ANKAR: variants seen among roughly 807,000 people sequenced by gnomAD.
The protein encoded by ANKAR is ankyrin and armadillo repeat-containing protein.
Under a neutral mutation model 146.2 loss-of-function variants are expected in ANKAR, and 136 were observed. That is an observed-to-expected ratio of 0.93 (90% confidence interval 0.81 to 1.07). The LOEUF (loss-of-function observed/expected upper bound fraction) is 1.07, where lower values mean the gene tolerates loss of function less well. Ranked by LOEUF, ANKAR falls within the 50% of genes least tolerant of loss-of-function variation. ANKAR has a pLI of 0.00. For synonymous variants in ANKAR, 500 were observed against 575.8 expected (o/e 0.87, Z 1.88); for missense variants, 1,567 against 1,679.9 (o/e 0.93, Z 1.18).
At chr2:189,679,912 C>CT (rs368032368) in intron 2 of ANKAR, among the ~76,000 whole-genome samples, 3 of 152,152 alleles carry the variant, frequency 2.0e-5, no homozygotes, top group African/African-American at 7.2e-5. Flanking sequence ...CTGTAGTTTT[C>CT]TTTTTTTGTT....
chr2:189,746,104 A>G (rs966138346), intron 22 of ANKAR, among the ~76,000 whole-genome samples: 27 of 152,326 alleles, frequency 1.8e-4, no homozygotes, highest in African/African-American at 5.8e-4. Context: ...AATGCCTTTT[A>G]CACTTTTTTT....
chr2:189,741,310 T>C (rs755756358), intron 19 of ANKAR, 32 bp from the exon 20 acceptor site: 13 of 1,511,202 alleles, frequency 8.6e-6, no homozygotes, highest in Non-Finnish European at 1.1e-5. Context: ...ATCAATTAAA[T>C]AACACAAGCA....
rs2033240596 is a variant in ANKAR, at chr2:189,674,844, C to T, written c.-36+14C>T. The T allele has an allele frequency of 6.6e-6, 1 of 152,464 alleles. No homozygotes were observed. Among genetic ancestry groups the T allele is most frequent in the Non-Finnish European group, 1.5e-5 (1 of 68,216 alleles). 9.4% of individuals were successfully genotyped at this position (152,464 alleles called of 1,614,324 possible). Reference sequence around the variant, plus strand: ...AGCCATTCTAGAGTAGGTTCCTCCCCTTTCCTTGTTTTTTCCCCTTTCCCG... The same window carrying T: ...AGCCATTCTAGAGTAGGTTCCTCCCTTTTCCTTGTTTTTTCCCCTTTCCCG... On this transcript the variant is annotated intron_variant, in intron 1 of 22. Coordinates refer to ENST00000684021, the MANE Select transcript of ANKAR (RefSeq NM_001378068.1).
At chr2:189,725,114 G>A (rs2041722966) in intron 12 of ANKAR, among the ~76,000 whole-genome samples, 1 of 152,098 alleles carries the variant, frequency 6.6e-6, no homozygotes, top group Non-Finnish European at 1.5e-5. Context: ...ATGAATAAAT[G>A]TGTTGATATT....
chr2:189,675,370 T>A (rs1559043260), intron 1 of ANKAR, among the ~76,000 whole-genome samples: 1 of 152,046 alleles, frequency 6.6e-6, no homozygotes, highest in Non-Finnish European at 1.5e-5. Flanking sequence ...TTTCCTTTTC[T>A]TTTTCTTTTT....
intron 16 of ANKAR, among the ~76,000 whole-genome samples, chr2:189,731,522 C>T (rs1175485271): frequency 1.3e-5 from 2 of 151,520 alleles, no homozygotes; most frequent in Non-Finnish European, 2.9e-5. Context: ...TACAGGTGTG[C>T]ATCACAACGC....
intron 5 of ANKAR, among the ~76,000 whole-genome samples, chr2:189,694,721 A>G (rs2036948216): frequency 6.6e-6 from 1 of 152,234 alleles, no homozygotes; most frequent in South Asian, 2.1e-4. Flanking sequence ...TAGGCCTTCC[A>G]GGAGCTTTTA....
chr2:189,758,804 G>T (rs2046491615), intron 18 of ANKAR, among the ~76,000 whole-genome samples: 1 of 152,182 alleles, frequency 6.6e-6, no homozygotes. Context: ...ACAAGCAAAT[G>T]TATAAATTGT....
chr2:189,758,120 C>T (rs1001586996), intron 18 of ANKAR, among the ~76,000 whole-genome samples: 9 of 152,098 alleles, frequency 5.9e-5, no homozygotes, highest in Non-Finnish European at 8.8e-5. Flanking sequence ...TGGTGGTTCA[C>T]GCCTGTAATC....
At chr2:189,744,668 A>G in intron 21 of ANKAR, 74 bp from the exon 22 acceptor site, 1 of 1,084,634 alleles carries the variant, frequency 9.2e-7, no homozygotes, top group South Asian at 1.4e-5. Context: ...AAGTCTTCAT[A>G]TACTTCTTCA....
chr2:189,690,061 A>T, intron 3 of ANKAR, 97 bp downstream of exon 3: 1 of 793,430 alleles, frequency 1.3e-6, no homozygotes, highest in Non-Finnish European at 1.8e-6. Context: ...GCAGGCAGTA[A>T]CCTAGCTATA....
At chr2:189,694,949 A>G (rs1354569819) in intron 5 of ANKAR, 32 bp from the exon 6 acceptor site, 2 of 1,352,464 alleles carry the variant, frequency 1.5e-6, no homozygotes, top group Non-Finnish European at 9.7e-7. Context: ...TCAAAGTTAG[A>G]GAAACATCTT....
intron 1 of ANKAR, among the ~76,000 whole-genome samples, 167 bp downstream of exon 1, chr2:189,674,997 T>C (rs1449555482): frequency 6.6e-6 from 1 of 151,886 alleles, no homozygotes; most frequent in Non-Finnish European, 1.5e-5. Flanking sequence ...CGTTTTTGCC[T>C]CTATAAAGTG....
intron 2 of ANKAR, 135 bp downstream of exon 2, chr2:189,677,226 C>A: frequency 1.3e-6 from 1 of 768,582 alleles, no homozygotes; most frequent in Non-Finnish European, 1.9e-6. Context: ...GCTAGGATTA[C>A]AGGCATGAGC....
At chr2:189,726,507 T>G (rs13035966) in intron 12 of ANKAR, among the ~76,000 whole-genome samples, 89,916 of 151,992 alleles carry the variant, frequency 0.59, 30,160 homozygotes, top group South Asian at 0.76. Context: ...TGAGGACACA[T>G]CAAACAAACC....
At chr2:189,715,588 A>G (rs2040351741) in intron 10 of ANKAR, among the ~76,000 whole-genome samples, 1 of 152,238 alleles carries the variant, frequency 6.6e-6, no homozygotes, top group Non-Finnish European at 1.5e-5. Flanking sequence ...AACTCATTTT[A>G]TGAGGCCAGC....
At chr2:189,709,387 G>A (rs2039395866) in intron 9 of ANKAR, among the ~76,000 whole-genome samples, 1 of 152,142 alleles carries the variant, frequency 6.6e-6, no homozygotes, top group Non-Finnish European at 1.5e-5. Context: ...AATCATAGAA[G>A]GTTATAGGGA....
intron 1 of ANKAR, among the ~76,000 whole-genome samples, chr2:189,675,647 CCTTTT>C (rs1386380077): frequency 4.6e-5 from 7 of 152,162 alleles, no homozygotes; most frequent in African/African-American, 9.7e-5. Context: ...TGCGCCCCAC[CCTTTT>C]CTTTTCTTTC....
chr2:189,759,253 CTT>C (rs111345865), intron 18 of ANKAR, among the ~76,000 whole-genome samples: 7 of 144,512 alleles, frequency 4.8e-5, no homozygotes, highest in Non-Finnish European at 6.1e-5. Context: ...GTTAATTTTC[CTT>C]TTTTTTTTTT....
Sources: allele counts gnomAD v4.1 joint callset (sites outside exome capture counted in the v4.1 genomes callset), GRCh38; gene constraint gnomAD v4.1.1; transcripts MANE v1.5; gene names NCBI Gene and HGNC (gene_info 2026-07-23, HGNC 2026-07-21).